The following MYO1B variants were observed in gnomAD, a reference collection of about 807,000 sequenced individuals.
MYO1B encodes myosin IB.
MYO1B carries 72 observed loss-of-function variants against 159.7 expected under a neutral mutation model. The observed-to-expected ratio is 0.45, with a 90% CI of 0.37 to 0.55. MYO1B has a LOEUF of 0.55. Among genes scored for constraint, MYO1B ranks in the 20% least tolerant of loss-of-function variants. The pLI is 0.00. For synonymous variants in MYO1B, 468 were observed against 473.8 expected, an observed-to-expected ratio of 0.99 and a Z score of 0.16; for missense variants, 1,062 against 1,364.8, an observed-to-expected ratio of 0.78 and a Z score of 3.50.
intron 30 of MYO1B, among the ~76,000 whole-genome samples, chr2:191,420,224 A>G (rs889473040): frequency 1.3e-5 from 2 of 152,200 alleles, no homozygotes; most frequent in Non-Finnish European, 2.9e-5. Context: ...AAAAGTGTCA[A>G]AAATGTTTTT....
intron 5 of MYO1B, among the ~76,000 whole-genome samples, chr2:191,342,800 T>A (rs180838766): frequency 3.1e-4 from 47 of 152,066 alleles, no homozygotes; most frequent in African/African-American, 1.1e-3. Context: ...TGAGCCAAGG[T>A]CACACCACTG....
At chr2:191,281,771 C>T (rs948713151) in intron 2 of MYO1B, among the ~76,000 whole-genome samples, 1 of 152,190 alleles carries the variant, frequency 6.6e-6, no homozygotes, top group African/African-American at 2.4e-5. Context: ...GGTGTCTGTT[C>T]TCTGACGAGA....
chr2:191,342,147 G>A (rs534622176), intron 5 of MYO1B, among the ~76,000 whole-genome samples: 5 of 152,336 alleles, frequency 3.3e-5, no homozygotes, highest in African/African-American at 1.2e-4. Context: ...TGTCCAGGTA[G>A]ATTTTATTCT....
intron 11 of MYO1B, among the ~76,000 whole-genome samples, chr2:191,367,067 C>T (rs1445461659): frequency 1.3e-5 from 2 of 152,042 alleles, no homozygotes; most frequent in Non-Finnish European, 2.9e-5. Flanking sequence ...GGCTTTTCCT[C>T]TCTGAGTTTC....
At chr2:191,263,176 A>G in intron 1 of MYO1B, 1 of 191,806 alleles carries the variant, frequency 5.2e-6, no homozygotes, top group Non-Finnish European at 9.6e-6. Context: ...TATATGATTA[A>G]CTCATATAAA....
Position 191,321,634 on chromosome 2 carries a change from G to C in MYO1B, c.252-8301G>C, listed in dbSNP as rs189384317. Reference sequence around the variant, plus strand: ...GGTTAATTTCTGGACAGGGGAAATAGCATAATTTCCTCCCTGCTGTCTGCT... The same window carrying C: ...GGTTAATTTCTGGACAGGGGAAATACCATAATTTCCTCCCTGCTGTCTGCT... On this transcript the variant is annotated intron_variant, in intron 3 of 30. Coordinates refer to ENST00000392318, the MANE Select transcript of MYO1B (RefSeq NM_001130158.3). Among the ~76,000 whole-genome samples the C allele has an allele frequency of 2.0e-5, 3 of 152,274 alleles. No homozygotes were observed. In the East Asian group the frequency reaches 5.8e-4, roughly 29 times the overall value.
rs563811492 is a variant in MYO1B at position 191,305,267 on chromosome 2, G to A, written c.251+9041G>A. Among the ~76,000 whole-genome samples the A allele has an allele frequency of 3.9e-5, 6 of 152,372 alleles. No individual in the cohort carries two copies. In the South Asian group the frequency reaches 1.2e-3, roughly 32 times the overall value. ...GGGTAAGTAGGGCCAAAGGAGCCCT[G>A]TGGGGATTTGTCTGAACAGGGGCTG... On this transcript the variant is annotated intron_variant, in intron 3 of 30. Transcript: ENST00000392318.
chr2:191,263,288 G>A (rs1207621359), intron 1 of MYO1B: 1 of 982,434 alleles, frequency 1.0e-6, no homozygotes, highest in Non-Finnish European at 1.2e-6. Context: ...TACTTAGTGT[G>A]TTCTCCCTGT....
chr2:191,273,403 G>A (rs1172167452), intron 1 of MYO1B, among the ~76,000 whole-genome samples: 1 of 152,142 alleles, frequency 6.6e-6, no homozygotes, highest in Non-Finnish European at 1.5e-5. Context: ...GATTACAGGC[G>A]TGAGCCACCG....
Position 191,296,173 on chromosome 2 carries a change from A to G in MYO1B, c.198A>G (p.Pro66=). ...NPYRSLPIYS[P]EKVEEYRNRN... ...ACCGGTCTTTACCCATTTATTCACCAGAGAAAGTGGAAGAATACAGGAACA... is the reference window on the plus strand; with the variant it reads ...ACCGGTCTTTACCCATTTATTCACCGGAGAAAGTGGAAGAATACAGGAACA... Residue 66 remains proline (P), a synonymous_variant, in exon 3 of 31, where the codon CCA becomes CCG. Transcript: ENST00000392318. The G allele has an allele frequency of 1.2e-6, 2 of 1,610,714 alleles. No individual in the cohort carries two copies. Among genetic ancestry groups the G allele is most frequent in the Non-Finnish European group, 1.7e-6 (2 of 1,177,558 alleles).
At chr2:191,418,205 G>A (rs13406046) in intron 30 of MYO1B, among the ~76,000 whole-genome samples, 10,167 of 152,228 alleles carry the variant, frequency 0.067, 1,138 homozygotes, top group African/African-American at 0.23. Flanking sequence ...GGTAAGGATC[G>A]TAAATCTCCT....
rs1281650504 is a variant in MYO1B, at chr2:191,307,856, C to T, written c.251+11630C>T. Among the ~76,000 whole-genome samples the T allele has an allele frequency of 9.9e-5, 15 of 152,122 alleles. 1 individual carries two copies. Among genetic ancestry groups the T allele is most frequent in the Admixed American group, 9.8e-4 (15 of 15,276 alleles). On this transcript the variant is annotated intron_variant, in intron 3 of 30. Transcript: ENST00000392318. ...ATAAAGGATACAACACAGGAACAGT[C>T]CAGTGGAAGAGCTGCAGAGGGCACG...
intron 1 of MYO1B, among the ~76,000 whole-genome samples, chr2:191,275,920 T>C (rs1484831840): frequency 2.6e-5 from 4 of 152,240 alleles, no homozygotes; most frequent in African/African-American, 7.2e-5. Flanking sequence ...TTAGTACTCT[T>C]GACAGTGATC....
At chr2:191,399,138 C>CTT (rs1696427526) in intron 21 of MYO1B, among the ~76,000 whole-genome samples, 1 of 152,028 alleles carries the variant, frequency 6.6e-6, no homozygotes, top group Non-Finnish European at 1.5e-5. Flanking sequence ...TGGCGGCACG[C>CTT]ACCTGCAATC....
At chr2:191,352,204 C>G (rs1254204139) in intron 7 of MYO1B, among the ~76,000 whole-genome samples, 1 of 152,132 alleles carries the variant, frequency 6.6e-6, no homozygotes, top group Non-Finnish European at 1.5e-5. Context: ...AGCTATCCAG[C>G]TAGTGGTTTG....
chr2:191,416,640 G>A (rs1174708611), intron 30 of MYO1B: 7 of 157,004 alleles, frequency 4.5e-5, no homozygotes, highest in Non-Finnish European at 9.8e-5. Flanking sequence ...TGGTGAAACC[G>A]TCTCTACTTA....
At chr2:191,336,402 A>G (rs768833220) in intron 4 of MYO1B, among the ~76,000 whole-genome samples, 12 of 152,230 alleles carry the variant, frequency 7.9e-5, no homozygotes, top group East Asian at 1.9e-4. Flanking sequence ...AGCAGAATAG[A>G]TAAGTGAAGT....
rs11261 is a variant in MYO1B at position 191,423,967 on chromosome 2, C to T, written c.*7C>T. On this transcript the variant is annotated 3_prime_UTR_variant, in exon 31 of 31. Transcript: ENST00000392318. ...TGAAGTTGCTGTCCCTTAACTGGCG[C>T]CTCCTCTCTACTTTCATGGACTTGT... 3.1e-6 allele frequency: 5 copies of T among 1,611,806 alleles called. No individual in the cohort carries two copies. The South Asian group carries it at 4.4e-5, about 14-fold the overall frequency.
At chr2:191,342,427 C>A (rs1050132634) in intron 5 of MYO1B, among the ~76,000 whole-genome samples, 2 of 152,170 alleles carry the variant, frequency 1.3e-5, no homozygotes, top group Non-Finnish European at 2.9e-5. Flanking sequence ...CCCATAACAT[C>A]ATCAGAAAAC....
Sources: gnomAD v4.1 joint callset for allele counts (sites outside exome capture counted in the v4.1 genomes callset) on GRCh38, gnomAD v4.1.1 for gene constraint, MANE v1.5 for transcripts, NCBI Gene and HGNC (gene_info 2026-07-23, HGNC 2026-07-21) for gene names.